Variants in NPHP3 observed in about 807,000 individuals in gnomAD.
NPHP3 encodes nephrocystin-3.
A neutral mutation model predicts 171.9 loss-of-function variants in NPHP3; 123 were observed. That is an observed-to-expected ratio of 0.72 (90% CI 0.62 to 0.83). The LOEUF is 0.83. Among genes scored for constraint, NPHP3 ranks in the 40% least tolerant of loss-of-function variants. NPHP3 has a pLI of 0.00. For synonymous variants in NPHP3, 558 were observed against 579.2 expected (o/e 0.96, Z 0.52); for missense variants, 1,506 against 1,591.9 (o/e 0.95, Z 0.92).
chr3:132,719,245 A>G, intron 2 of NPHP3, 101 bp from the exon 3 acceptor site: 3 of 934,974 alleles, frequency 3.2e-6, no homozygotes, highest in South Asian at 1.6e-5. Context: ...ACCAATATTC[A>G]TTTGGTCCTC....
rs369185321 is a variant in NPHP3, at chr3:132,683,466, G to T, written c.3629C>A (p.Ser1210Tyr). 1.9e-6 allele frequency: 3 copies of T among 1,613,078 alleles called. No homozygotes were observed. The highest frequency in any genetic ancestry group is 2.5e-6 in the Non-Finnish European group (3 of 1,179,330). The part of the protein sequence containing the change: ...YELAVEIRQK[S>Y]FGPKHPSVAT... The stretch of plus-strand genomic sequence containing the variant: ...TACACTAGGGTGCTTTGGGCCAAAA[G>T]ATTTCTGTCGAATTTCAACAGCCAA... The change falls in exon 25 of 27, where the codon TCT (serine) becomes TAT (tyrosine). Residue 1210 changes from serine (S) to tyrosine (Y), a missense_variant. Transcript: ENST00000337331.
At chr3:132,683,665 G>A (rs1363592423) in intron 24 of NPHP3, 141 bp from the exon 25 acceptor site, 3 of 644,722 alleles carry the variant, frequency 4.7e-6, no homozygotes, top group Non-Finnish European at 8.0e-6. Context: ...TCAGCTTAAT[G>A]ATTAAGTTTA....
At position 132,715,119 on chromosome 3, in the gene NPHP3, T is replaced by C. The variant is rs1940014734; in HGVS notation, c.923A>G (p.Asp308Gly). The C allele has an allele frequency of 6.2e-7, 1 of 1,612,796 alleles. No individual in the cohort carries two copies. The highest frequency in any genetic ancestry group is 2.2e-5 in the East Asian group (1 of 44,778). ...NTVRCYLIYT[D>G]ETQPEMDLFL... ...AAGATCCATCTCAGGCTGGGTTTCA[T>C]CTGTATAAATGAGGTAACATCTGAC... is the stretch of plus-strand genomic sequence containing the variant. The change falls in exon 5 of 27, where the codon GAT becomes GGT. Residue 308 changes from aspartate to glycine, a missense_variant. This residue lies in a region of NPHP3 where 930 missense variants were observed against 924.9 expected (regional missense o/e 1.01). Coordinates refer to ENST00000337331, the MANE Select transcript of NPHP3 (RefSeq NM_153240.5).
At chr3:132,695,574 T>C (rs941983274) in intron 15 of NPHP3, among the ~76,000 whole-genome samples, 3 of 152,218 alleles carry the variant, frequency 2.0e-5, no homozygotes, top group Non-Finnish European at 4.4e-5. Context: ...TCATACTCAT[T>C]GTATCACTGA....
chr3:132,707,272 G>A (rs1208374015), intron 7 of NPHP3, among the ~76,000 whole-genome samples: 2 of 152,006 alleles, frequency 1.3e-5, no homozygotes, highest in Non-Finnish European at 2.9e-5. Flanking sequence ...CCTGCAGCGT[G>A]GACAACATAA....
At chr3:132,684,007 A>G (rs1351535839) in intron 24 of NPHP3, among the ~76,000 whole-genome samples, 1 of 152,234 alleles carries the variant, frequency 6.6e-6, no homozygotes, top group East Asian at 1.9e-4. Flanking sequence ...CTCTGTAACT[A>G]TGCTAAATGA....
chr3:132,699,378 C>T lies in NPHP3; in HGVS notation c.1960G>A (p.Val654Ile). ...VNVRVIVSVN[V>I]ETCPPAWRLW... is the part of the protein sequence containing the mutation. ...CTCCATGCTGGAGGGCATGTTTCTA[C>T]ATTCACAGAAACAATTACTCTTACA... is the stretch of plus-strand genomic sequence containing the variant. The change falls in exon 13 of 27, where the codon GTA (valine) becomes ATA (isoleucine). Residue 654 changes from valine (V) to isoleucine (I), a missense_variant. Coordinates refer to ENST00000337331, the MANE Select transcript of NPHP3 (RefSeq NM_153240.5). 6.2e-7 allele frequency: 1 copy of T among 1,611,436 alleles called. No individual in the cohort carries two copies. Among genetic ancestry groups the T allele is most frequent in the Non-Finnish European group, 8.5e-7 (1 of 1,178,314 alleles).
intron 9 of NPHP3, among the ~76,000 whole-genome samples, chr3:132,702,049 A>G (rs1939625494): frequency 6.6e-6 from 1 of 151,864 alleles, no homozygotes; most frequent in South Asian, 2.1e-4. Context: ...AAACAAACAA[A>G]CAAAAAATGG....
chr3:132,692,131 C>G (rs530685465), intron 17 of NPHP3, among the ~76,000 whole-genome samples: 1 of 152,168 alleles, frequency 6.6e-6, no homozygotes, highest in Non-Finnish European at 1.5e-5. Flanking sequence ...GTATTCAGTA[C>G]AGTAATATGC....
chr3:132,710,150 G>T (rs143975283), intron 6 of NPHP3, among the ~76,000 whole-genome samples: 1 of 152,268 alleles, frequency 6.6e-6, no homozygotes, highest in African/African-American at 2.4e-5. Flanking sequence ...TTGATAAGTT[G>T]CACTTTAGGA....
chr3:132,714,264 T>C lies in NPHP3; in HGVS notation c.957+821A>G, dbSNP rs532626165. On this transcript the variant is annotated intron_variant, in intron 5 of 26. Transcript: ENST00000337331. ...TCTCCTTTTGATTTTTTTCTACCACTTAAAATGTGAAAACCAATCTTATCT... is the reference window on the plus strand; with the variant it reads ...TCTCCTTTTGATTTTTTTCTACCACCTAAAATGTGAAAACCAATCTTATCT... Among the ~76,000 whole-genome samples, 30 of 152,332 alleles carry C rather than the reference T, an allele frequency of 2.0e-4. No homozygotes were observed. The South Asian group carries it at 6.2e-3, about 32-fold the overall frequency.
In NPHP3 at chr3:132,701,537, GAA is replaced by G; in HGVS notation, c.1525-6_1525-5del. ...GATCATTAAGGCGTTGGTAATACTA[GAA>G]AAAAAAATGAATTTACATTGTAAGG... On this transcript the variant is annotated splice_region_variant and splice_polypyrimidine_tract_variant and intron_variant, in intron 9 of 26. Coordinates refer to ENST00000337331, the MANE Select transcript of NPHP3 (RefSeq NM_153240.5). 1 of 1,577,690 alleles carries G rather than the reference GAA, an allele frequency of 6.3e-7. No homozygotes were observed. The highest frequency in any genetic ancestry group is 8.7e-7 in the Non-Finnish European group (1 of 1,150,494).
intron 2 of NPHP3, 100 bp from the exon 3 acceptor site, chr3:132,719,244 C>G: frequency 3.2e-6 from 3 of 939,602 alleles, no homozygotes; most frequent in South Asian, 1.6e-5. Context: ...AACCAATATT[C>G]ATTTGGTCCT....
At chr3:132,713,320 G>A in intron 5 of NPHP3, 34 bp from the exon 6 acceptor site, 11 of 1,452,972 alleles carry the variant, frequency 7.6e-6, no homozygotes, top group East Asian at 2.3e-5. Context: ...AAAGTTTAAT[G>A]TATTTAACTA....
intron 6 of NPHP3, 130 bp downstream of exon 6, chr3:132,712,996 G>A: frequency 1.9e-6 from 1 of 532,100 alleles, no homozygotes; most frequent in South Asian, 3.0e-5. Flanking sequence ...AACAGTTGTA[G>A]AATTTATTGA....
intron 26 of NPHP3, chr3:132,682,470 A>C: frequency 1.7e-6 from 1 of 576,518 alleles, no homozygotes; most frequent in Non-Finnish European, 3.1e-6. Context: ...ATGTAGTATA[A>C]ACCATCCTTC....
intron 25 of NPHP3, 89 bp downstream of exon 25, chr3:132,683,310 T>C: frequency 1.7e-6 from 2 of 1,151,736 alleles, no homozygotes; most frequent in Non-Finnish European, 2.6e-6. Context: ...TCTTTCATTC[T>C]ATTTAGTGTT....
chr3:132,703,563 TTTTC>T (rs1160736889), intron 9 of NPHP3, among the ~76,000 whole-genome samples: 99 of 151,320 alleles, frequency 6.5e-4, no homozygotes, highest in Admixed American at 1.4e-3. Flanking sequence ...CTTTTTTTTC[TTTTC>T]TTTCTTTCTT....
At chr3:132,682,668 A>G (rs373763291) in intron 26 of NPHP3, 35 bp downstream of exon 26, 11 of 1,150,906 alleles carry the variant, frequency 9.6e-6, no homozygotes, top group Non-Finnish European at 1.5e-5. Flanking sequence ...TTCGAATAAA[A>G]GAGGCTGTAT....
Sources: allele counts gnomAD v4.1 joint callset (sites outside exome capture counted in the v4.1 genomes callset), GRCh38; gene constraint gnomAD v4.1.1; regional missense constraint gnomAD v4.1.1; transcripts MANE v1.5; gene names NCBI Gene and HGNC (gene_info 2026-07-23, HGNC 2026-07-21).